Variants in BLOC1S3 observed in about 807,000 individuals in gnomAD.
BLOC1S3 encodes biogenesis of lysosome-related organelles complex 1 subunit 3.
A neutral mutation model predicts 9.1 loss-of-function variants in BLOC1S3; 7 were observed. The observed-to-expected ratio is 0.77, with a 90% CI of 0.44 to 1.45. BLOC1S3 has a LOEUF of 1.45. Among genes scored for constraint, BLOC1S3 ranks in the 40% most tolerant of loss-of-function variants. BLOC1S3 has a pLI of 0.01. For missense variants in BLOC1S3, 307 were observed against 315.2 expected (o/e 0.97, Z 0.20); for synonymous variants, 145 against 158.4 (o/e 0.92, Z 0.64).
intron 3 of BLOC1S3, among the ~76,000 whole-genome samples, chr19:45,212,329 G>A (rs557887970): frequency 3.9e-4 from 60 of 152,258 alleles, no homozygotes; most frequent in African/African-American, 1.3e-3. Context: ...CTGCTTCCCC[G>A]GTCCTTCCTC....
Position 45,179,596 on chromosome 19 carries a change from G to A in BLOC1S3, c.300G>A (p.Pro100=). ...AEEAWGTEEA[P]APAPARSLLQ... ...AGGCCTGGGGCACGGAGGAGGCCCC[G>A]GCGCCCGCCCCCGCGCGCTCGCTCC... The change falls in exon 2 of 2, where the codon CCG becomes CCA. Residue 100 remains proline (P), a synonymous_variant. Coordinates refer to ENST00000433642, the MANE Select transcript of BLOC1S3 (RefSeq NM_212550.5). This position sits in a 1 kb window ranked among gnomAD's most constrained non-coding sequence, Gnocchi z 4.6. 1 of 1,477,298 alleles carries A rather than the reference G, an allele frequency of 6.8e-7. No individual in the cohort carries two copies. Among genetic ancestry groups the A allele is most frequent in the Non-Finnish European group, 8.9e-7 (1 of 1,120,734 alleles). The allele number at this position is 1,477,298 out of a possible 1,614,324, so 91.5% of individuals were successfully genotyped here.
intron 2 of BLOC1S3, among the ~76,000 whole-genome samples, chr19:45,191,777 A>T (rs972738718): frequency 2.6e-5 from 4 of 152,200 alleles, no homozygotes; most frequent in African/African-American, 9.7e-5. Context: ...TCTCCCAAAC[A>T]AATGGAGTCT....
At chr19:45,199,188 C>G (rs1295461919) in intron 2 of BLOC1S3, among the ~76,000 whole-genome samples, 2 of 151,802 alleles carry the variant, frequency 1.3e-5, no homozygotes, top group Non-Finnish European at 2.9e-5. Flanking sequence ...GGAAAGTTCT[C>G]TGTTATTATC....
At chr19:45,209,260 G>C (rs930019031) in intron 3 of BLOC1S3, among the ~76,000 whole-genome samples, 1 of 151,950 alleles carries the variant, frequency 6.6e-6, no homozygotes, top group African/African-American at 2.4e-5. Flanking sequence ...TGTTGGCCAG[G>C]CTGGTCTTAA....
intron 3 of BLOC1S3, among the ~76,000 whole-genome samples, chr19:45,210,242 A>G (rs1213258656): frequency 2.0e-5 from 3 of 151,184 alleles, no homozygotes; most frequent in African/African-American, 7.3e-5. Context: ...TTCTTTATTT[A>G]AAATTTTTTT....
intron 3 of BLOC1S3, among the ~76,000 whole-genome samples, chr19:45,205,989 G>A (rs1351736003): frequency 2.0e-5 from 3 of 152,168 alleles, no homozygotes; most frequent in Admixed American, 6.6e-5. Context: ...GAGGCAGAGT[G>A]ATTGCTTGAG....
intron 2 of BLOC1S3, among the ~76,000 whole-genome samples, chr19:45,190,384 C>G (rs1162913099): frequency 2.0e-5 from 3 of 151,196 alleles, no homozygotes; most frequent in African/African-American, 7.3e-5. Context: ...CTCCCCCACC[C>G]ATATATATAG....
At chr19:45,210,630 G>A (rs949936044) in intron 3 of BLOC1S3, among the ~76,000 whole-genome samples, 9 of 150,818 alleles carry the variant, frequency 6.0e-5, no homozygotes, top group Admixed American at 3.3e-4. Flanking sequence ...AATGAGACAA[G>A]GTCTCACCTA....
At chr19:45,216,341 G>A (rs924251996) in intron 3 of BLOC1S3, 3 of 1,142,188 alleles carry the variant, frequency 2.6e-6, no homozygotes, top group African/African-American at 1.6e-5. Context: ...TTTGGGAGGA[G>A]GCCGAGGCGG....
chr19:45,184,461 C>T (rs146734774), downstream of BLOC1S3, among the ~76,000 whole-genome samples: 915 of 152,200 alleles, frequency 6.0e-3, 6 homozygotes, highest in African/African-American at 0.02. Flanking sequence ...CAAAAACTAG[C>T]TGAGCGTGGT....
At chr19:45,188,338 G>A (rs761998927) in intron 2 of BLOC1S3, among the ~76,000 whole-genome samples, 21 of 150,120 alleles carry the variant, frequency 1.4e-4, no homozygotes, top group Non-Finnish European at 3.0e-5. Flanking sequence ...CACCCTTTTC[G>A]TTATTTTTTT....
intron 3 of BLOC1S3, among the ~76,000 whole-genome samples, chr19:45,212,226 A>G (rs10405928): frequency 0.41 from 61,610 of 151,822 alleles, 12,763 homozygotes; most frequent in Middle Eastern, 0.59. Context: ...CGTCGCTCCC[A>G]GCACATGCAG....
chr19:45,209,578 C>T (rs945528831), intron 3 of BLOC1S3, among the ~76,000 whole-genome samples: 21 of 152,136 alleles, frequency 1.4e-4, no homozygotes, highest in Admixed American at 9.2e-4. Context: ...CCTGCCACTA[C>T]GCCCAGCTAA....
intron 3 of BLOC1S3, chr19:45,216,040 ACGGC>A: frequency 6.2e-7 from 1 of 1,609,944 alleles, no homozygotes; most frequent in East Asian, 2.2e-5. Context: ...TCGGCCAGGC[ACGGC>A]GAGCCCTGGC....
Position 45,180,085 on chromosome 19 carries a change from A to C in BLOC1S3, c.*180A>C. ...TTATATTGGATATAGTTCAACCCCT[A>C]CTGCGGAGACCAGGGCCCCACTATC... On this transcript the variant is annotated 3_prime_UTR_variant, in exon 2 of 2. Coordinates refer to ENST00000433642, the MANE Select transcript of BLOC1S3 (RefSeq NM_212550.5). 2 of 634,472 alleles carry C rather than the reference A, an allele frequency of 3.2e-6. No homozygotes were observed. Among genetic ancestry groups the C allele is most frequent in the Non-Finnish European group, 5.2e-6 (2 of 386,220 alleles). The allele number at this position is 634,472 out of a possible 1,614,324, so 39.3% of individuals were successfully genotyped here.
downstream of BLOC1S3, among the ~76,000 whole-genome samples, chr19:45,182,185 T>TA (rs1969529435): frequency 6.6e-6 from 1 of 151,894 alleles, no homozygotes; most frequent in African/African-American, 2.4e-5. Flanking sequence ...TTATTAAAAA[T>TA]ACAAAAATTT....
downstream of BLOC1S3, among the ~76,000 whole-genome samples, chr19:45,183,894 C>G (rs931266284): frequency 3.3e-5 from 5 of 152,048 alleles, no homozygotes; most frequent in Non-Finnish European, 7.4e-5. Context: ...CTCTGCCTCC[C>G]AAAGTGCTGG....
intron 3 of BLOC1S3, among the ~76,000 whole-genome samples, chr19:45,208,834 T>C (rs1358576831): frequency 6.6e-6 from 1 of 150,672 alleles, no homozygotes; most frequent in East Asian, 1.9e-4. Context: ...AGAGAAAGTA[T>C]AAACTACATA....
chr19:45,197,001 G>T (rs1320416098), intron 2 of BLOC1S3, among the ~76,000 whole-genome samples: 1 of 152,050 alleles, frequency 6.6e-6, no homozygotes. Flanking sequence ...CTTGCAGGGG[G>T]TATGGTCCCA....
Sources: allele counts gnomAD v4.1 joint callset (sites outside exome capture counted in the v4.1 genomes callset), GRCh38; gene constraint gnomAD v4.1.1; non-coding constraint Gnocchi (gnomAD v3.1); transcripts MANE v1.5; gene names NCBI Gene and HGNC (gene_info 2026-07-23, HGNC 2026-07-21).